Variants in RABGAP1 observed in about 807,000 individuals in gnomAD.
RABGAP1 encodes rab GTPase-activating protein 1.
RABGAP1 carries 23 observed loss-of-function variants against 137.6 expected under a neutral mutation model. The ratio of observed to expected loss-of-function variants is 0.17; its 90% CI spans 0.12 to 0.24. RABGAP1 has a LOEUF of 0.24. RABGAP1 is among the 10% of genes least tolerant of loss of function. RABGAP1 has a pLI of 1.00. For missense variants in RABGAP1, 906 were observed against 1,275.8 expected, an observed-to-expected ratio of 0.71 and a Z score of 4.42; for synonymous variants, 451 against 450.7, an observed-to-expected ratio of 1.00 and a Z score of -0.01.
intron 21 of RABGAP1, among the ~76,000 whole-genome samples, chr9:123,096,011 A>G (rs2035172140): frequency 6.6e-6 from 1 of 152,240 alleles, no homozygotes; most frequent in Admixed American, 6.5e-5. Flanking sequence ...TGTACCACAT[A>G]CACTTGGAAA....
upstream of RABGAP1, among the ~76,000 whole-genome samples, chr9:122,936,973 G>A (rs1588137601): frequency 2.0e-5 from 3 of 152,272 alleles, no homozygotes; most frequent in East Asian, 5.8e-4. Context: ...CATGGGGGCA[G>A]GAGAATCTTA....
At chr9:122,966,405 C>T (rs1255311466) in intron 2 of RABGAP1, among the ~76,000 whole-genome samples, 1 of 152,026 alleles carries the variant, frequency 6.6e-6, no homozygotes, top group African/African-American at 2.4e-5. Context: ...AGCCTGTAAT[C>T]CTAGGTACTT....
intron 1 of RABGAP1, among the ~76,000 whole-genome samples, chr9:122,951,337 A>C (rs557807127): frequency 6.6e-6 from 1 of 152,094 alleles, no homozygotes; most frequent in African/African-American, 2.4e-5. Flanking sequence ...TAGCAAATCC[A>C]TGCCACTGCA....
Position 123,070,600 on chromosome 9 carries a change from T to C in RABGAP1, c.1983+176T>C, listed in dbSNP as rs803733. 0.62 allele frequency among the ~76,000 whole-genome samples: 95,017 copies of C among 152,138 alleles called. 36,824 individuals carry two copies. Among genetic ancestry groups the C allele is most frequent in the Non-Finnish European group, 0.86 (58,786 of 68,000 alleles). On this transcript the variant is annotated intron_variant, in intron 15 of 25. Transcript: ENST00000373647. This position sits in a 1 kb window ranked among gnomAD's most constrained non-coding sequence, Gnocchi z 4.4. ...ACTTAATGTCATTGTGGAGGAGATATATGATGAGAATAAACGGCAATGTTG... is the reference window on the plus strand; with the variant it reads ...ACTTAATGTCATTGTGGAGGAGATACATGATGAGAATAAACGGCAATGTTG...
At chr9:122,988,595 A>G (rs889225251) in intron 4 of RABGAP1, among the ~76,000 whole-genome samples, 1 of 151,148 alleles carries the variant, frequency 6.6e-6, no homozygotes, top group Non-Finnish European at 1.5e-5. Flanking sequence ...AAAAAGCATC[A>G]GTTTTTTGTT....
chr9:123,076,365 G>C, intron 18 of RABGAP1, 79 bp downstream of exon 18: 2 of 1,485,720 alleles, frequency 1.3e-6, no homozygotes, highest in Non-Finnish European at 1.9e-6. Context: ...GTCTCATTCT[G>C]AGCAGTCACT....
rs143121763 is a variant in RABGAP1 at position 123,028,934 on chromosome 9, C to T, written c.1794+8475C>T. On this transcript the variant is annotated intron_variant, in intron 13 of 25. Coordinates refer to ENST00000373647, the MANE Select transcript of RABGAP1 (RefSeq NM_012197.4). ...TTCTTAGTATAATCCATAGTCCATA[C>T]TAAGTGTAAATAACTTAATATTATA... Among the ~76,000 whole-genome samples, 57 of 152,278 alleles carry T rather than the reference C, an allele frequency of 3.7e-4. 1 individual carries two copies. The highest frequency in any genetic ancestry group is 1.2e-3 in the African/African-American group (48 of 41,548).
intron 1 of RABGAP1, among the ~76,000 whole-genome samples, chr9:122,943,330 A>T (rs1833727149): frequency 6.6e-6 from 1 of 152,018 alleles, no homozygotes; most frequent in East Asian, 1.9e-4. Flanking sequence ...CAGCCTCCCA[A>T]AGTGCAGGGA....
At chr9:123,010,316 C>T (rs756450070) in intron 10 of RABGAP1, 38 bp from the exon 11 acceptor site, 1 of 1,532,646 alleles carries the variant, frequency 6.5e-7, no homozygotes, top group South Asian at 1.3e-5. Context: ...ACATAAAGAA[C>T]TTTACTGCTT....
chr9:123,101,423 A>G (rs1390714742), intron 24 of RABGAP1, 143 bp from the exon 25 acceptor site: 2 of 661,918 alleles, frequency 3.0e-6, no homozygotes, highest in Non-Finnish European at 4.7e-6. Context: ...GTTATCTGCC[A>G]GTTTACAAAG....
intron 2 of RABGAP1, among the ~76,000 whole-genome samples, chr9:122,979,490 G>A (rs774677503): frequency 6.6e-6 from 1 of 152,084 alleles, no homozygotes; most frequent in African/African-American, 2.4e-5. Context: ...AAGTTCTCAA[G>A]TTTTTCTTTT....
chr9:123,063,880 T>TG (rs1043033706), intron 13 of RABGAP1, among the ~76,000 whole-genome samples: 4 of 152,206 alleles, frequency 2.6e-5, no homozygotes, highest in African/African-American at 9.6e-5. Flanking sequence ...TAAATTTTGA[T>TG]GAAGTGTCCA....
At chr9:123,003,606 G>A (rs147154692) in intron 10 of RABGAP1, among the ~76,000 whole-genome samples, 1 of 152,156 alleles carries the variant, frequency 6.6e-6, no homozygotes, top group South Asian at 2.1e-4. Context: ...TTTAAAAATT[G>A]ATTCTTTTTC....
intron 13 of RABGAP1, chr9:123,034,353 C>T: frequency 1.8e-6 from 1 of 568,186 alleles, no homozygotes; most frequent in Non-Finnish European, 3.1e-6. Flanking sequence ...GGCCAGACAA[C>T]TGCTGCTGGC....
chr9:122,955,615 C>T (rs541156211), intron 1 of RABGAP1, among the ~76,000 whole-genome samples: 29 of 152,240 alleles, frequency 1.9e-4, no homozygotes, highest in African/African-American at 7.0e-4. Flanking sequence ...CTTTATCTAA[C>T]AGTATTGATT....
intron 2 of RABGAP1, among the ~76,000 whole-genome samples, chr9:122,958,459 T>C (rs1436293125): frequency 1.3e-5 from 2 of 152,166 alleles, no homozygotes; most frequent in African/African-American, 4.8e-5. Context: ...AACGTTATGA[T>C]TGTTCCTTGA....
the RABGAP1 span, among the ~76,000 whole-genome samples, chr9:122,935,665 C>T: frequency 6.6e-6 from 1 of 152,150 alleles, no homozygotes; most frequent in Non-Finnish European, 1.5e-5. Flanking sequence ...TTATGCATTT[C>T]ACTTTTAAAT....
At chr9:122,990,607 T>TA in intron 6 of RABGAP1, 1 of 150,546 alleles carries the variant, frequency 6.6e-6, no homozygotes, top group East Asian at 2.0e-4. Flanking sequence ...TTGTCTCTAC[T>TA]AAAAATACAA....
intron 2 of RABGAP1, among the ~76,000 whole-genome samples, chr9:122,967,194 A>G (rs1835205819): frequency 6.6e-6 from 1 of 152,224 alleles, no homozygotes; most frequent in Admixed American, 6.5e-5. Context: ...AACAAGATGC[A>G]GGCCTTGGGG....
Sources: allele counts gnomAD v4.1 joint callset (sites outside exome capture counted in the v4.1 genomes callset), GRCh38; gene constraint gnomAD v4.1.1; non-coding constraint Gnocchi (gnomAD v3.1); transcripts MANE v1.5; gene names NCBI Gene and HGNC (gene_info 2026-07-23, HGNC 2026-07-21).